MAGI3: variants seen among roughly 807,000 people sequenced by gnomAD.
The protein encoded by MAGI3 is membrane-associated guanylate kinase, WW and PDZ domain-containing protein 3.
A neutral mutation model predicts 121.8 loss-of-function variants in MAGI3; 43 were observed. The observed-to-expected ratio is 0.35, with a 90% confidence interval of 0.28 to 0.46. The LOEUF is 0.46. MAGI3 is among the 20% of genes least tolerant of loss of function. The pLI is 1.00. For synonymous variants in MAGI3, 553 were observed against 639.3 expected (o/e 0.86, Z 2.04); for missense variants, 1,547 against 1,797.3 (o/e 0.86, Z 2.52).
chr1:113,633,180 T>C (rs960833502), intron 9 of MAGI3, among the ~76,000 whole-genome samples: 2 of 149,436 alleles, frequency 1.3e-5, no homozygotes, highest in South Asian at 2.1e-4. Context: ...TGTGATATTT[T>C]ACTGAGCATG....
chr1:113,579,984 T>C lies in MAGI3; in HGVS notation c.434-558T>C, dbSNP rs527431651. On this transcript the variant is annotated intron_variant, in intron 2 of 20. Coordinates refer to ENST00000307546, the MANE Select transcript of MAGI3 (RefSeq NM_001142782.2). ...AGTAAAATTCAGTCAAATGTAGCAA[T>C]GCTGCCATAACCTGAATTTACACCT... Among the ~76,000 whole-genome samples the C allele has an allele frequency of 4.9e-4, 75 of 152,222 alleles. 1 individual carries two copies. Among genetic ancestry groups the C allele is most frequent in the African/African-American group, 1.7e-3 (71 of 41,540 alleles).
intron 1 of MAGI3, among the ~76,000 whole-genome samples, chr1:113,437,626 C>T (rs1270633359): frequency 6.6e-6 from 1 of 151,994 alleles, no homozygotes; most frequent in African/African-American, 2.4e-5. Flanking sequence ...TATTTTTAAA[C>T]TATATATATC....
chr1:113,493,849 T>TA (rs2101586231), intron 1 of MAGI3, among the ~76,000 whole-genome samples: 1 of 152,250 alleles, frequency 6.6e-6, no homozygotes, highest in African/African-American at 2.4e-5. Flanking sequence ...AATGCTATTA[T>TA]TAAAAAGTCA....
rs1653135894 is a variant in MAGI3 at position 113,651,102 on chromosome 1, T to G, written c.2336T>G (p.Ile779Ser). 6.2e-7 allele frequency: 1 copy of G among 1,614,048 alleles called. No homozygotes were observed. Among genetic ancestry groups the G allele is most frequent in the African/African-American group, 1.3e-5 (1 of 74,934 alleles). The change falls in exon 14 of 21, where the codon ATT (isoleucine) becomes AGT (serine). Residue 779 changes from isoleucine to serine, a missense_variant. By Grantham distance (142) the Ile-to-Ser change is moderately radical (BLOSUM62 -2). Transcript: ENST00000307546. ...GATGAACTAATGTGCATTGATGGAATTCCTGTTAAAGGGAAATCACACAAA... is the reference window on the plus strand; with the variant it reads ...GATGAACTAATGTGCATTGATGGAAGTCCTGTTAAAGGGAAATCACACAAA... ...AADELMCIDG[I>S]PVKGKSHKQV... is the part of the protein sequence containing the mutation.
intron 9 of MAGI3, among the ~76,000 whole-genome samples, 193 bp from the exon 10 acceptor site, chr1:113,641,718 C>T (rs536807047): frequency 6.6e-5 from 10 of 151,542 alleles, no homozygotes; most frequent in African/African-American, 2.2e-4. Flanking sequence ...GGATTTTAGA[C>T]ATTTATACAT....
intron 1 of MAGI3, among the ~76,000 whole-genome samples, chr1:113,431,153 A>G (rs1653279705): frequency 6.6e-6 from 1 of 152,104 alleles, no homozygotes; most frequent in Non-Finnish European, 1.5e-5. Context: ...CATCTCTACA[A>G]AAAAATAAAA....
chr1:113,540,488 T>C (rs1659239840), intron 1 of MAGI3, among the ~76,000 whole-genome samples: 1 of 152,210 alleles, frequency 6.6e-6, no homozygotes, highest in Non-Finnish European at 1.5e-5. Context: ...TGCAGGTCTT[T>C]TGCTTTAACC....
chr1:113,643,854 C>A, intron 11 of MAGI3, 80 bp downstream of exon 11: 1 of 1,360,602 alleles, frequency 7.3e-7, no homozygotes, highest in Non-Finnish European at 1.0e-6. Context: ...GAGGAGCTCA[C>A]TGTGGTGATG....
At chr1:113,503,098 T>TGG (rs1454972408) in intron 1 of MAGI3, among the ~76,000 whole-genome samples, 1 of 92,744 alleles carries the variant, frequency 1.1e-5, no homozygotes, top group Non-Finnish European at 2.0e-5. Flanking sequence ...GGGGTAGCAT[T>TGG]GGGAGATATA....
intron 9 of MAGI3, among the ~76,000 whole-genome samples, chr1:113,625,731 T>C (rs1651198663): frequency 6.6e-6 from 1 of 152,200 alleles, no homozygotes; most frequent in Non-Finnish European, 1.5e-5. Context: ...CAGTCCTGTG[T>C]TGAGTAACAG....
chr1:113,667,368 C>T (rs184047150), intron 16 of MAGI3, among the ~76,000 whole-genome samples: 42 of 152,308 alleles, frequency 2.8e-4, no homozygotes, highest in Admixed American at 2.7e-3. Flanking sequence ...TGCTGCTTCA[C>T]CTTGCAGTTT....
intron 16 of MAGI3, among the ~76,000 whole-genome samples, chr1:113,665,572 G>A (rs140581468): frequency 0.013 from 2,030 of 152,082 alleles, 18 homozygotes; most frequent in Middle Eastern, 0.017. Flanking sequence ...TTGTGTATAC[G>A]CGTATATAAA....
intron 1 of MAGI3, among the ~76,000 whole-genome samples, chr1:113,513,358 G>A (rs1418169434): frequency 3.9e-4 from 60 of 152,212 alleles, no homozygotes; most frequent in East Asian, 5.8e-4. Context: ...GAGGCATCAC[G>A]TTACCTGACT....
At chr1:113,611,327 A>G (rs1650121001) in intron 6 of MAGI3, among the ~76,000 whole-genome samples, 1 of 152,056 alleles carries the variant, frequency 6.6e-6, no homozygotes, top group African/African-American at 2.4e-5. Flanking sequence ...ACCTCAAATG[A>G]TCTGCCCACA....
At chr1:113,681,050 A>G (rs945182131) in intron 19 of MAGI3, 148 bp from the exon 20 acceptor site, 10 of 773,348 alleles carry the variant, frequency 1.3e-5, no homozygotes, top group Non-Finnish European at 2.0e-5. Context: ...CCTCTCATCA[A>G]CTCTCACATG....
intron 9 of MAGI3, among the ~76,000 whole-genome samples, chr1:113,628,134 A>G (rs1255128977): frequency 6.6e-6 from 1 of 151,818 alleles, no homozygotes; most frequent in Non-Finnish European, 1.5e-5. Flanking sequence ...AGGTGATTTT[A>G]TCTGTGGTAT....
chr1:113,467,765 C>T (rs1396915489), intron 1 of MAGI3, among the ~76,000 whole-genome samples: 2 of 152,056 alleles, frequency 1.3e-5, no homozygotes, highest in African/African-American at 2.4e-5. Flanking sequence ...GACCTCCTGG[C>T]TTCAAGCAGT....
chr1:113,423,461 C>T (rs569793280), intron 1 of MAGI3, among the ~76,000 whole-genome samples: 42 of 152,064 alleles, frequency 2.8e-4, no homozygotes, highest in African/African-American at 8.9e-4. Context: ...TTAGTAGAGA[C>T]GGGGTTTCAC....
intron 2 of MAGI3, chr1:113,576,759 A>G (rs995432372): frequency 7.2e-5 from 11 of 152,180 alleles, no homozygotes; most frequent in African/African-American, 2.7e-4. Flanking sequence ...TTGCTTTATG[A>G]GGTTGAAGTG....
Sources: allele counts gnomAD v4.1 joint callset (sites outside exome capture counted in the v4.1 genomes callset), GRCh38; gene constraint gnomAD v4.1.1; transcripts MANE v1.5; gene names NCBI Gene and HGNC (gene_info 2026-07-23, HGNC 2026-07-21).